POMT2: variants seen among roughly 807,000 people sequenced by gnomAD.
POMT2 encodes the protein protein O-mannosyl-transferase 2.
In POMT2, 75 loss-of-function variants were observed where a neutral mutation model predicts 100.0. The observed-to-expected ratio is 0.75, with a 90% CI of 0.62 to 0.91. The LOEUF (loss-of-function observed/expected upper bound fraction) is 0.91. Ranked by LOEUF, POMT2 falls within the 40% of genes least tolerant of loss-of-function variation. The pLI, the probability that POMT2 is intolerant of heterozygous loss-of-function variation, is 0.00. For missense variants in POMT2, 940 were observed against 955.1 expected, an observed-to-expected ratio of 0.98 and a Z score of 0.21; for synonymous variants, 378 against 374.1, an observed-to-expected ratio of 1.01 and a Z score of -0.12.
chr14:77,291,904 C>T (rs1349335430), intron 9 of POMT2, among the ~76,000 whole-genome samples: 1 of 152,056 alleles, frequency 6.6e-6, no homozygotes, highest in Non-Finnish European at 1.5e-5. Flanking sequence ...ATGGTACGCG[C>T]CTGTAATCCC....
intron 6 of POMT2, chr14:77,300,712 T>TG (rs745367514): frequency 2.5e-5 from 7 of 275,980 alleles, no homozygotes; most frequent in Non-Finnish European, 4.2e-5. Context: ...CCCAGCTACT[T>TG]GGGAGGCTGA....
chr14:77,280,358 A>G (rs1890172812), intron 16 of POMT2, 34 bp downstream of exon 16: 1 of 1,608,430 alleles, frequency 6.2e-7, no homozygotes, highest in Admixed American at 1.7e-5. Flanking sequence ...TCTTGGCTCC[A>G]TTTCCTGGGA....
intron 11 of POMT2, 74 bp downstream of exon 11, chr14:77,288,688 T>A: frequency 7.5e-7 from 1 of 1,335,604 alleles, no homozygotes; most frequent in Non-Finnish European, 1.1e-6. Context: ...ATCTAACTTC[T>A]GTTTACTTCT....
At chr14:77,284,203 G>A (rs1009926776) in intron 14 of POMT2, 11 of 379,494 alleles carry the variant, frequency 2.9e-5, no homozygotes, top group African/African-American at 1.5e-4. Flanking sequence ...CACAGCCCCC[G>A]AGTCACTGTG....
Position 77,286,793 on chromosome 14 carries a change from T to C in POMT2, c.1283A>G (p.His428Arg), listed in dbSNP as rs767664651. 1.5e-5 allele frequency: 24 copies of C among 1,614,056 alleles called. No individual in the cohort carries two copies. Among genetic ancestry groups the C allele is most frequent in the Non-Finnish European group, 1.9e-5 (23 of 1,180,042 alleles). Residue 428 changes from histidine (H) to arginine (R), a missense_variant, in exon 12 of 21, where the codon CAT becomes CGT. His to Arg is a conservative substitution (Grantham distance 29, BLOSUM62 0). Coordinates refer to ENST00000261534, the MANE Select transcript of POMT2 (RefSeq NM_013382.7). ...GTGCTTCCGGGTCATGGGGGCCTCATGATAGTGACTGTGCAAGTTCCGGGA... is the reference window on the plus strand; with the variant it reads ...GTGCTTCCGGGTCATGGGGGCCTCACGATAGTGACTGTGCAAGTTCCGGGA... The part of the protein sequence containing the change: ...ETSRNLHSHY[H>R]EAPMTRKHYQ...
intron 13 of POMT2, chr14:77,285,265 G>A (rs1890378968): frequency 2.7e-6 from 2 of 727,388 alleles, no homozygotes; most frequent in Admixed American, 2.8e-5. Flanking sequence ...CCAGCCAGAT[G>A]TGAAAATGTT....
Position 77,296,256 on chromosome 14 carries a change from C to A in POMT2, c.1024G>T (p.Val342Leu). ...SIPEHLAYGS[V>L]ITVKNLRMAI... ...ATCCGGAGGTTCTTCACAGTGATCA[C>A]AGAGCCGTAGGCCAGGTCTGGGAGG... Residue 342 changes from valine to leucine, a missense_variant, in exon 9 of 21, where the codon GTG (valine) becomes TTG (leucine). Val to Leu is a conservative substitution (Grantham distance 32). Transcript: ENST00000261534. The A allele has an allele frequency of 6.2e-7, 1 of 1,604,274 alleles. No individual in the cohort carries two copies. Among genetic ancestry groups the A allele is most frequent in the Non-Finnish European group, 8.5e-7 (1 of 1,175,942 alleles).
At chr14:77,312,640 A>C (rs959802411) in intron 1 of POMT2, 7 of 143,246 alleles carry the variant, frequency 4.9e-5, no homozygotes, top group African/African-American at 1.8e-4. Flanking sequence ...CGACAGAGTG[A>C]GACTCCGTCT....
chr14:77,306,899 G>A lies in POMT2; in HGVS notation c.334-458C>T, dbSNP rs1891247575. On this transcript the variant is annotated intron_variant, in intron 2 of 20. Transcript: ENST00000261534. Reference sequence around the variant, plus strand: ...ACCAAGGAGCTACATACCAGGAATAGAGACAAGAGAAGAAAATCAGACAGA... The same window carrying A: ...ACCAAGGAGCTACATACCAGGAATAAAGACAAGAGAAGAAAATCAGACAGA... The A allele has an allele frequency of 6.3e-5, 13 of 205,842 alleles. No individual in the cohort carries two copies. In the South Asian group the frequency reaches 1.1e-3, roughly 17 times the overall value. 12.8% of individuals were successfully genotyped at this position (205,842 alleles called of 1,614,324 possible).
chr14:77,284,812 TAGAA>T (rs1259795342), intron 14 of POMT2, 134 bp downstream of exon 14: 5 of 751,570 alleles, frequency 6.7e-6, no homozygotes, highest in Middle Eastern at 2.3e-4. Context: ...AGACAACTCA[TAGAA>T]AGAGAGTGTT....
intron 10 of POMT2, among the ~76,000 whole-genome samples, chr14:77,289,517 C>T (rs1311766948): frequency 1.3e-5 from 2 of 152,150 alleles, no homozygotes; most frequent in Admixed American, 1.3e-4. Flanking sequence ...ACTGCATATT[C>T]CAGGCTGGAA....
At chr14:77,304,955 G>A (rs1891174304) in intron 3 of POMT2, among the ~76,000 whole-genome samples, 155 bp from the exon 4 acceptor site, 1 of 152,202 alleles carries the variant, frequency 6.6e-6, no homozygotes, top group South Asian at 2.1e-4. Flanking sequence ...TAAGAAAAGA[G>A]TATTGTAATA....
intron 9 of POMT2, among the ~76,000 whole-genome samples, chr14:77,295,044 AATC>A (rs1351943258): frequency 6.6e-6 from 1 of 152,188 alleles, no homozygotes; most frequent in Non-Finnish European, 1.5e-5. Flanking sequence ...ATCTAATCAT[AATC>A]ATAATAATTT....
chr14:77,280,681 T>C (rs189457899), intron 15 of POMT2, among the ~76,000 whole-genome samples: 112 of 143,168 alleles, frequency 7.8e-4, no homozygotes, highest in Non-Finnish European at 8.0e-4. Context: ...AGGGGTCCAT[T>C]CCAACCTTCT....
intron 2 of POMT2, among the ~76,000 whole-genome samples, chr14:77,310,597 C>T (rs1290206877): frequency 6.6e-6 from 1 of 152,142 alleles, no homozygotes; most frequent in African/African-American, 2.4e-5. Context: ...TCTCATGCTT[C>T]CTTAAGCCCA....
At chr14:77,288,735 A>C (rs1403080234) in intron 11 of POMT2, 27 bp downstream of exon 11, 3 of 1,602,594 alleles carry the variant, frequency 1.9e-6, no homozygotes, top group Non-Finnish European at 2.6e-6. Context: ...CGTACCATTT[A>C]TTTATCCAAA....
chr14:77,304,808 A>G lies in POMT2; in HGVS notation c.439-8T>C. 6.3e-7 allele frequency: 1 copy of G among 1,577,712 alleles called. No homozygotes were observed. Among genetic ancestry groups the G allele is most frequent in the Non-Finnish European group, 8.6e-7 (1 of 1,161,418 alleles). ...GCCAAGGAATGCACAGAACTGTGGG[A>G]GGAATAGAGAAGCTGTCAAATAACA... On this transcript the variant is annotated splice_polypyrimidine_tract_variant and splice_region_variant and intron_variant, in intron 3 of 20. Coordinates refer to ENST00000261534, the MANE Select transcript of POMT2 (RefSeq NM_013382.7).
intron 9 of POMT2, among the ~76,000 whole-genome samples, chr14:77,295,816 A>C (rs1890808651): frequency 6.6e-6 from 1 of 151,938 alleles, no homozygotes; most frequent in African/African-American, 2.4e-5. Context: ...TAGGCAATTG[A>C]GCCTTCCAGG....
At chr14:77,289,189 G>C (rs1169952556) in intron 10 of POMT2, among the ~76,000 whole-genome samples, 1 of 151,844 alleles carries the variant, frequency 6.6e-6, no homozygotes, top group South Asian at 2.1e-4. Context: ...CCAGGAATTC[G>C]AGACAAGCCT....
Sources: allele counts gnomAD v4.1 joint callset (sites outside exome capture counted in the v4.1 genomes callset), GRCh38; gene constraint gnomAD v4.1.1; transcripts MANE v1.5; gene names NCBI Gene and HGNC (gene_info 2026-07-23, HGNC 2026-07-21).